The following ATP7B variants were observed in gnomAD, a reference collection of about 807,000 sequenced individuals.
ATP7B encodes copper-transporting ATPase 2.
A neutral mutation model predicts 118.9 loss-of-function variants in ATP7B; 113 were observed. That is an observed-to-expected ratio of 0.95 (90% CI 0.82 to 1.11). The LOEUF (loss-of-function observed/expected upper bound fraction) is 1.11, where lower values mean the gene tolerates loss of function less well. Among genes scored for constraint, ATP7B ranks in the 50% most tolerant of loss-of-function variants. ATP7B has a pLI of 0.00. For missense variants in ATP7B, 1,867 were observed against 1,871.4 expected (o/e 1.00, Z 0.04); for synonymous variants, 777 against 727.4 (o/e 1.07, Z -1.10).
In ATP7B at chr13:51,935,826, G is replaced by A. The variant is rs567784399; in HGVS notation, c.4022-131C>T. On this transcript the variant is annotated intron_variant, in intron 19 of 20. Transcript: ENST00000242839. ...CCACCTGGCGTGCTCAGAAGCCCCT[G>A]CCAATGGATCTTGCCCACAGGCCCC... 63 of 747,888 alleles carry A rather than the reference G, an allele frequency of 8.4e-5. No homozygotes were observed. In the South Asian group the frequency reaches 1.2e-3, roughly 14 times the overall value. 46.3% of individuals were successfully genotyped at this position (747,888 alleles called of 1,614,324 possible).
intron 7 of ATP7B, 167 bp downstream of exon 7, chr13:51,959,981 G>A (rs1319339598): frequency 1.0e-6 from 1 of 962,602 alleles, no homozygotes. Context: ...CCACCTACTG[G>A]TCATTAAGAG....
rs185298888 is a variant in ATP7B at position 52,009,660 on chromosome 13, A to C, written c.51+1627T>G. On this transcript the variant is annotated intron_variant, in intron 1 of 20. Transcript: ENST00000242839. ...CCATTTGTCAGTTGATTTTTCAGTG[A>C]CGCTTCACGGGGCACAAAAGTTTTC... Among the ~76,000 whole-genome samples the C allele has an allele frequency of 1.9e-3, 286 of 152,142 alleles. 1 individual carries two copies. The highest frequency in any genetic ancestry group is 3.0e-3 in the Non-Finnish European group (207 of 67,998).
chr13:52,009,830 C>T (rs1953938992), intron 1 of ATP7B, among the ~76,000 whole-genome samples: 1 of 152,014 alleles, frequency 6.6e-6, no homozygotes, highest in Non-Finnish European at 1.5e-5. Context: ...GCACATAGTA[C>T]ACACAAAAAA....
At chr13:51,946,207 C>T in intron 13 of ATP7B, 77 bp downstream of exon 13, 5 of 1,521,632 alleles carry the variant, frequency 3.3e-6, no homozygotes, top group Non-Finnish European at 4.4e-6. Context: ...GGCTCTCAGG[C>T]TTTTCTCTCA....
intron 1 of ATP7B, among the ~76,000 whole-genome samples, chr13:51,985,333 A>G (rs1285061031): frequency 6.6e-6 from 1 of 152,230 alleles, no homozygotes; most frequent in Non-Finnish European, 1.5e-5. Context: ...GCCTTACATA[A>G]TGGTAAAGGG....
chr13:52,007,435 A>G (rs531277111), intron 1 of ATP7B, among the ~76,000 whole-genome samples: 1 of 152,272 alleles, frequency 6.6e-6, no homozygotes, highest in African/African-American at 2.4e-5. Flanking sequence ...CTCCTGTTCT[A>G]TCACTCCCAC....
At position 51,933,693 on chromosome 13, in the gene ATP7B, T is replaced by C. The variant is rs1435412763; in HGVS notation, c.*1063A>G. ...TTTTCCTCCTATTTGGGCAGTACCA[T>C]TTCCTCCAAGCCACACAAGGCCAGG... On this transcript the variant is annotated 3_prime_UTR_variant, in exon 21 of 21. Transcript: ENST00000242839. 3 of 152,264 alleles carry C rather than the reference T, an allele frequency of 2.0e-5. No homozygotes were observed. The highest frequency in any genetic ancestry group is 6.5e-5 in the Admixed American group (1 of 15,286). The allele number at this position is 152,264 out of a possible 1,614,324, so 9.4% of individuals were successfully genotyped here.
intron 1 of ATP7B, among the ~76,000 whole-genome samples, chr13:51,994,968 C>T (rs1019605582): frequency 2.6e-5 from 4 of 152,016 alleles, no homozygotes; most frequent in African/African-American, 7.2e-5. Context: ...GCAGCATTTT[C>T]AAAATGTTTA....
chr13:51,966,885 T>C, intron 4 of ATP7B: 1 of 1,612,982 alleles, frequency 6.2e-7, no homozygotes, highest in Admixed American at 1.7e-5. Context: ...TCACTTGTGA[T>C]GGCAGAAACC....
chr13:52,006,626 C>T (rs1241241057), intron 1 of ATP7B, among the ~76,000 whole-genome samples: 3 of 152,228 alleles, frequency 2.0e-5, no homozygotes, highest in Admixed American at 6.5e-5. Flanking sequence ...GCAGGAGTGA[C>T]TTACGCTGTT....
Position 51,982,005 on chromosome 13 carries a change from A to ATT in ATP7B, c.52-6839_52-6838dup, listed in dbSNP as rs5803589. Among the ~76,000 whole-genome samples, 427 of 140,922 alleles carry ATT rather than the reference A, an allele frequency of 3.0e-3. 4 individuals carry two copies. Among genetic ancestry groups the ATT allele is most frequent in the East Asian group, 6.0e-3 (29 of 4,816 alleles). 92.5% of individuals were successfully genotyped at this position (140,922 alleles called of 152,430 possible). ...CATAATGAGATTTTTTTGGGTGTGA[A>ATT]TTTTTTTTTTTTTTTTTTAGCTCAT... On this transcript the variant is annotated intron_variant, in intron 1 of 20. Transcript: ENST00000242839.
At position 51,974,464 on chromosome 13, in the gene ATP7B, T is replaced by C. The variant is rs905887216; in HGVS notation, c.756A>G (p.Gln252=). 1.2e-6 allele frequency: 2 copies of C among 1,614,144 alleles called. No homozygotes were observed. The highest frequency in any genetic ancestry group is 1.7e-6 in the Non-Finnish European group (2 of 1,180,036). Residue 252 remains glutamine, a synonymous_variant, in exon 2 of 21, where the codon CAA becomes CAG. Transcript: ENST00000242839. ...GTTGGAGGGTGACCACATGGCTTCC[T>C]TGGTGCCCCAAGGTCTCAGAATTAT... ...NFNNSETLGH[Q]GSHVVTLQLR... is the part of the protein sequence containing the mutation.
chr13:51,998,957 C>T (rs1953351253), intron 1 of ATP7B, among the ~76,000 whole-genome samples: 1 of 152,130 alleles, frequency 6.6e-6, no homozygotes, highest in Admixed American at 6.5e-5. Flanking sequence ...GAGAGGAGTC[C>T]CGGATCCTGT....
At chr13:51,962,442 G>A (rs949850077) in intron 5 of ATP7B, among the ~76,000 whole-genome samples, 2 of 152,152 alleles carry the variant, frequency 1.3e-5, no homozygotes, top group South Asian at 2.1e-4. Flanking sequence ...TAACTCAAGC[G>A]CTTTGTTACC....
chr13:51,935,999 G>A (rs1361795160), intron 19 of ATP7B, among the ~76,000 whole-genome samples: 2 of 152,244 alleles, frequency 1.3e-5, no homozygotes, highest in East Asian at 1.9e-4. Flanking sequence ...ACCACAAGGA[G>A]TGGGAGGAGC....
Position 52,011,437 on chromosome 13 carries a change from G to T in ATP7B, c.-100C>A, listed in dbSNP as rs1431133074. The T allele has an allele frequency of 6.6e-7, 1 of 1,523,514 alleles. No individual in the cohort carries two copies. The highest frequency in any genetic ancestry group is 9.0e-7 in the Non-Finnish European group (1 of 1,105,582). The allele number at this position is 1,523,514 out of a possible 1,614,324, so 94.4% of individuals were successfully genotyped here. A position where few individuals can be genotyped will look rare whatever the true frequency, so the allele number is the denominator to read the frequency against. On this transcript the variant is annotated 5_prime_UTR_variant, in exon 1 of 21. Transcript: ENST00000242839. ...GGGTGTTAAAGTCCCGGGAGAGGAG[G>T]CGCAGAGTGTGAGGGCATCGGCGCG...
intron 1 of ATP7B, among the ~76,000 whole-genome samples, chr13:51,981,386 C>T (rs1466784972): frequency 2.0e-5 from 3 of 152,144 alleles, no homozygotes; most frequent in African/African-American, 7.2e-5. Flanking sequence ...GCAAAATATC[C>T]ACACTCGCTC....
chr13:51,968,929 C>A (rs144433614), intron 3 of ATP7B, among the ~76,000 whole-genome samples: 1 of 147,526 alleles, frequency 6.8e-6, no homozygotes, highest in Non-Finnish European at 1.5e-5. Context: ...AGCATGATCT[C>A]GGCTCACTGC....
intron 8 of ATP7B, 105 bp downstream of exon 8, chr13:51,958,206 G>A: frequency 7.6e-7 from 1 of 1,318,108 alleles, no homozygotes; most frequent in South Asian, 1.2e-5. Context: ...CTTTAAGTCT[G>A]TCTCTATGCT....
Sources: allele counts gnomAD v4.1 joint callset (sites outside exome capture counted in the v4.1 genomes callset), GRCh38; gene constraint gnomAD v4.1.1; transcripts MANE v1.5; gene names NCBI Gene and HGNC (gene_info 2026-07-23, HGNC 2026-07-21).